Variants in HS3ST4 observed in about 807,000 individuals in gnomAD.
HS3ST4 encodes the protein heparan sulfate-glucosamine 3-sulfotransferase 4, also known as heparan sulfate glucosamine 3-O-sulfotransferase 4.
In HS3ST4, 17 loss-of-function variants were observed where a neutral mutation model predicts 29.2. The observed-to-expected ratio is 0.58, with a 90% CI of 0.40 to 0.87. The LOEUF is 0.87. Ranked by LOEUF, HS3ST4 falls within the 40% of genes least tolerant of loss-of-function variation. The pLI, the probability that HS3ST4 is intolerant of heterozygous loss-of-function variation, is 0.00. For missense variants in HS3ST4, 627 were observed against 634.5 expected (o/e 0.99, Z 0.13); for synonymous variants, 314 against 285.7 (o/e 1.10, Z -1.00).
At chr16:25,801,378 A>C (rs2141624198) in intron 1 of HS3ST4, among the ~76,000 whole-genome samples, 1 of 152,302 alleles carries the variant, frequency 6.6e-6, no homozygotes, top group South Asian at 2.1e-4. Flanking sequence ...GTGCATCAAA[A>C]CATTCTTGCT....
intron 1 of HS3ST4, among the ~76,000 whole-genome samples, chr16:25,956,896 G>T (rs1347414467): frequency 6.6e-6 from 1 of 151,282 alleles, no homozygotes; most frequent in Non-Finnish European, 1.5e-5. Context: ...TACTTGGGAG[G>T]CTCAGGCAGG....
At chr16:25,887,701 T>TTTG (rs1967968597) in intron 1 of HS3ST4, among the ~76,000 whole-genome samples, 1 of 126,650 alleles carries the variant, frequency 7.9e-6, no homozygotes, top group African/African-American at 2.8e-5. Context: ...ATTTTTTTTT[T>TTTG]TTTTTTTTTT....
At chr16:26,045,485 A>T (rs1898252855) in intron 1 of HS3ST4, among the ~76,000 whole-genome samples, 1 of 152,180 alleles carries the variant, frequency 6.6e-6, no homozygotes, top group Non-Finnish European at 1.5e-5. Context: ...ATTTAGTTGA[A>T]TGTAGCACTA....
intron 1 of HS3ST4, among the ~76,000 whole-genome samples, chr16:25,771,856 C>T (rs891925097): frequency 4.6e-5 from 7 of 152,174 alleles, no homozygotes; most frequent in Non-Finnish European, 1.0e-4. Flanking sequence ...ACATTGAGTA[C>T]ATACTGTAGG....
chr16:25,963,172 A>G (rs964792169), intron 1 of HS3ST4, among the ~76,000 whole-genome samples: 3 of 152,204 alleles, frequency 2.0e-5, no homozygotes, highest in African/African-American at 7.2e-5. Flanking sequence ...CCCAAATTGT[A>G]GGAAGAGAGA....
chr16:26,120,489 A>G (rs1212163478), intron 1 of HS3ST4, among the ~76,000 whole-genome samples: 2 of 152,220 alleles, frequency 1.3e-5, no homozygotes, highest in Non-Finnish European at 2.9e-5. Context: ...AGCCAAATGT[A>G]GAGGAAAGGG....
chr16:26,028,516 G>A (rs976299097), intron 1 of HS3ST4, among the ~76,000 whole-genome samples: 16 of 152,194 alleles, frequency 1.1e-4, no homozygotes, highest in African/African-American at 1.9e-4. Context: ...GGTCTGAGGC[G>A]ATCCTCCTGC....
chr16:25,930,987 T>C (rs936947695), intron 1 of HS3ST4, among the ~76,000 whole-genome samples: 1 of 152,196 alleles, frequency 6.6e-6, no homozygotes, highest in African/African-American at 2.4e-5. Context: ...TTGCCCAGGC[T>C]GGTCTTGAAC....
At chr16:25,920,400 T>C (rs1260933086) in intron 1 of HS3ST4, among the ~76,000 whole-genome samples, 3 of 152,136 alleles carry the variant, frequency 2.0e-5, no homozygotes, top group Non-Finnish European at 2.9e-5. Context: ...ACTCATTTTT[T>C]GAAGTCAATT....
intron 1 of HS3ST4, among the ~76,000 whole-genome samples, chr16:25,738,993 G>C (rs1051097228): frequency 6.6e-6 from 1 of 152,124 alleles, no homozygotes; most frequent in African/African-American, 2.4e-5. Flanking sequence ...CCACTGCCTA[G>C]TATTATCTTT....
intron 1 of HS3ST4, among the ~76,000 whole-genome samples, chr16:25,973,632 CT>C (rs2141707633): frequency 6.6e-6 from 1 of 152,290 alleles, no homozygotes; most frequent in East Asian, 1.9e-4. Context: ...GTGGTTTAAC[CT>C]TTTGCATCTC....
At chr16:26,123,037 G>C (rs570946471) in intron 1 of HS3ST4, among the ~76,000 whole-genome samples, 1 of 149,788 alleles carries the variant, frequency 6.7e-6, no homozygotes, top group South Asian at 2.1e-4. Context: ...CTGGGTGATA[G>C]AGTGAGACTC....
At chr16:25,716,119 C>T (rs999375743) in intron 1 of HS3ST4, among the ~76,000 whole-genome samples, 5 of 152,170 alleles carry the variant, frequency 3.3e-5, no homozygotes, top group African/African-American at 1.2e-4. Context: ...ATTTATGTGT[C>T]GCTTACTGCA....
In HS3ST4 at chr16:25,992,900, C is replaced by T. The variant is rs115143215; in HGVS notation, c.735-142712C>T. Among the ~76,000 whole-genome samples, 688 of 152,312 alleles carry T rather than the reference C, an allele frequency of 4.5e-3. 7 individuals carry two copies. Among genetic ancestry groups the T allele is most frequent in the African/African-American group, 0.016 (651 of 41,572 alleles). On this transcript the variant is annotated intron_variant, in intron 1 of 1. Coordinates refer to ENST00000331351, the MANE Select transcript of HS3ST4 (RefSeq NM_006040.3). Reference sequence around the variant, plus strand: ...AGCTTTGGCTTGATTGAGGGTGAAGCGATGCCAGATGCCACCAGGACATGA... The same window carrying T: ...AGCTTTGGCTTGATTGAGGGTGAAGTGATGCCAGATGCCACCAGGACATGA...
chr16:25,715,911 TC>T (rs1293020608), intron 1 of HS3ST4, among the ~76,000 whole-genome samples: 1 of 152,062 alleles, frequency 6.6e-6, no homozygotes, highest in African/African-American at 2.4e-5. Context: ...AGAGAGCAAT[TC>T]CCCCTATAGT....
intron 1 of HS3ST4, among the ~76,000 whole-genome samples, chr16:25,968,912 C>T (rs776784782): frequency 9.2e-5 from 14 of 152,076 alleles, no homozygotes; most frequent in African/African-American, 2.2e-4. Context: ...CTCTGCCTCC[C>T]GGGTTCAAGC....
At chr16:25,754,715 A>T (rs1398593239) in intron 1 of HS3ST4, among the ~76,000 whole-genome samples, 1 of 152,092 alleles carries the variant, frequency 6.6e-6, no homozygotes, top group Non-Finnish European at 1.5e-5. Context: ...GACTATCACG[A>T]TCACAAGAAC....
At chr16:25,822,736 C>CT (rs113992567) in intron 1 of HS3ST4, among the ~76,000 whole-genome samples, 2,948 of 146,120 alleles carry the variant, frequency 0.02, 103 homozygotes, top group African/African-American at 0.069. Flanking sequence ...CCCAGGATTA[C>CT]TTTTTTTTTT....
chr16:25,918,066 C>T (rs2141681466), intron 1 of HS3ST4, among the ~76,000 whole-genome samples: 1 of 152,264 alleles, frequency 6.6e-6, no homozygotes, highest in South Asian at 2.1e-4. Context: ...CCAACATCAA[C>T]ATTTGTTTTA....
Sources: gnomAD v4.1 joint callset for allele counts (sites outside exome capture counted in the v4.1 genomes callset) on GRCh38, gnomAD v4.1.1 for gene constraint, MANE v1.5 for transcripts, NCBI Gene and HGNC (gene_info 2026-07-23, HGNC 2026-07-21) for gene names.